Variants in STRBP observed in about 807,000 individuals in gnomAD.
The protein encoded by STRBP is spermatid perinuclear RNA-binding protein.
STRBP carries 13 observed loss-of-function variants against 80.1 expected under a neutral mutation model. The ratio of observed to expected loss-of-function variants is 0.16; its 90% confidence interval spans 0.11 to 0.26. STRBP has a LOEUF of 0.26. Among genes scored for constraint, STRBP ranks in the 10% least tolerant of loss-of-function variants. The pLI is 1.00. For missense variants in STRBP, 485 were observed against 815.2 expected (o/e 0.59, Z 4.93); for synonymous variants, 284 against 291.2 (o/e 0.98, Z 0.25).
intron 2 of STRBP, among the ~76,000 whole-genome samples, chr9:123,233,407 T>C (rs1212000243): frequency 1.3e-5 from 2 of 152,194 alleles, no homozygotes; most frequent in East Asian, 3.8e-4. Flanking sequence ...TTAAGAAGTG[T>C]TAACAAGTAT....
chr9:123,199,777 T>A (rs1304827525), intron 2 of STRBP, among the ~76,000 whole-genome samples: 1 of 152,212 alleles, frequency 6.6e-6, no homozygotes, highest in Non-Finnish European at 1.5e-5. Context: ...TAAGAGTCTT[T>A]ATGACTTTCT....
chr9:123,139,868 C>T (rs2036516311), intron 13 of STRBP, among the ~76,000 whole-genome samples, 181 bp from the exon 14 acceptor site: 1 of 152,104 alleles, frequency 6.6e-6, no homozygotes, highest in Non-Finnish European at 1.5e-5. Flanking sequence ...ACCAGGGTAG[C>T]ACCATGGAAA....
At chr9:123,133,043 C>T (rs2036206986) in intron 16 of STRBP, 75 bp from the exon 17 acceptor site, 1 of 1,558,424 alleles carries the variant, frequency 6.4e-7, no homozygotes, top group Non-Finnish European at 8.7e-7. Flanking sequence ...CTTCAACGCA[C>T]AACAACTATG....
chr9:123,254,062 A>AT (rs910791292), intron 1 of STRBP, among the ~76,000 whole-genome samples: 2 of 151,690 alleles, frequency 1.3e-5, no homozygotes, highest in African/African-American at 2.4e-5. Context: ...AGGGGGAAAA[A>AT]ATCTTAATTA....
At chr9:123,128,935 G>T (rs982893666) in intron 17 of STRBP, among the ~76,000 whole-genome samples, 1 of 152,200 alleles carries the variant, frequency 6.6e-6, no homozygotes. Flanking sequence ...ACATTATTAA[G>T]TAAAAGCAAG....
At chr9:123,161,801 GATTA>G (rs1219430854) in intron 6 of STRBP, among the ~76,000 whole-genome samples, 3 of 152,144 alleles carry the variant, frequency 2.0e-5, no homozygotes, top group Non-Finnish European at 4.4e-5. Flanking sequence ...TTTAAAGTTG[GATTA>G]AATGGCCCAA....
intron 11 of STRBP, among the ~76,000 whole-genome samples, chr9:123,152,431 G>A (rs1188985689): frequency 6.6e-6 from 1 of 151,812 alleles, no homozygotes; most frequent in African/African-American, 2.4e-5. Context: ...ATATATGATT[G>A]TTCATAGAAG....
In STRBP at chr9:123,259,075, A is replaced by AGGGG. The variant is rs1379471598; in HGVS notation, c.-302+9357_-302+9360dup. On this transcript the variant is annotated intron_variant, in intron 1 of 18. Coordinates refer to ENST00000348403, the MANE Select transcript of STRBP (RefSeq NM_018387.5). ...AGGAGGAAAGGGCAAAAAAAAAAAA[A>AGGGG]GGGGGGGGGATTACTGCAATAATTT... is the stretch of plus-strand genomic sequence containing the variant. Among the ~76,000 whole-genome samples, 68 of 141,880 alleles carry AGGGG rather than the reference A, an allele frequency of 4.8e-4. 2 individuals carry two copies. In the East Asian group the frequency reaches 5.9e-3, roughly 12 times the overall value. 93.1% of individuals were successfully genotyped at this position (141,880 alleles called of 152,430 possible).
At chr9:123,223,006 A>G (rs1405992458) in intron 2 of STRBP, among the ~76,000 whole-genome samples, 1 of 152,106 alleles carries the variant, frequency 6.6e-6, no homozygotes, top group Non-Finnish European at 1.5e-5. Flanking sequence ...GGAGTTCACC[A>G]TCAAAGCATA....
intron 4 of STRBP, among the ~76,000 whole-genome samples, chr9:123,176,992 A>C (rs2038246300): frequency 6.6e-6 from 1 of 152,222 alleles, no homozygotes; most frequent in Admixed American, 6.5e-5. Context: ...CGTGCCTGGC[A>C]ATGGAAAATG....
intron 1 of STRBP, among the ~76,000 whole-genome samples, chr9:123,244,330 C>G (rs1046738948): frequency 6.6e-6 from 1 of 152,158 alleles, no homozygotes; most frequent in African/African-American, 2.4e-5. Flanking sequence ...AGGTAGAGAA[C>G]AGATTTTTAG....
intron 3 of STRBP, 74 bp from the exon 4 acceptor site, chr9:123,179,301 T>C: frequency 7.6e-7 from 1 of 1,309,326 alleles, no homozygotes; most frequent in Non-Finnish European, 1.1e-6. Context: ...TACAACTATA[T>C]CTTTAGCCAA....
chr9:123,132,823 T>A, intron 17 of STRBP, 22 bp downstream of exon 17: 1 of 1,612,112 alleles, frequency 6.2e-7, no homozygotes, highest in Non-Finnish European at 8.5e-7. Flanking sequence ...AGGGGGCCAA[T>A]CTCTTGCAGT....
intron 2 of STRBP, among the ~76,000 whole-genome samples, chr9:123,215,919 T>C (rs1165999046): frequency 5.3e-5 from 8 of 152,250 alleles, no homozygotes. Context: ...GGTCTACTCC[T>C]AATGTCTGAT....
intron 2 of STRBP, among the ~76,000 whole-genome samples, chr9:123,198,763 T>C (rs1490323367): frequency 6.6e-6 from 1 of 152,236 alleles, no homozygotes. Context: ...ATCTTGATTT[T>C]TGTATATAGT....
Position 123,136,645 on chromosome 9 carries a change from T to A in STRBP, c.1498-130A>T. 7.5e-6 allele frequency: 8 copies of A among 1,072,844 alleles called. No homozygotes were observed. The highest frequency in any genetic ancestry group is 1.0e-5 in the Non-Finnish European group (8 of 766,862). 66.5% of individuals were successfully genotyped at this position (1,072,844 alleles called of 1,614,324 possible). A position where few individuals can be genotyped will look rare whatever the true frequency, so the allele number is the denominator to read the frequency against. ...CAAAGCACTCAGGGGCTAGAATGAG[T>A]CACCTCTTTACACAAATGGCAAAAT... On this transcript the variant is annotated intron_variant, in intron 14 of 18. Coordinates refer to ENST00000348403, the MANE Select transcript of STRBP (RefSeq NM_018387.5). This position sits in a 1 kb window ranked among gnomAD's most constrained non-coding sequence, Gnocchi z 4.2.
intron 13 of STRBP, among the ~76,000 whole-genome samples, chr9:123,143,525 C>A (rs2036680132): frequency 6.6e-6 from 1 of 152,236 alleles, no homozygotes. Context: ...CTTTCATAAA[C>A]ACGTTAGATG....
rs11437080 is a variant in STRBP at position 123,160,575 on chromosome 9, C to CAA, written c.628-115_628-114dup. On this transcript the variant is annotated intron_variant, in intron 7 of 18. Coordinates refer to ENST00000348403, the MANE Select transcript of STRBP (RefSeq NM_018387.5). Reference sequence around the variant, plus strand: ...AATTATTCATCAGTTATCAGGCAAACAAAAAAATCAATTAATCACAAGTAG... The same window carrying CAA: ...AATTATTCATCAGTTATCAGGCAAACAAAAAAAAATCAATTAATCACAAGTAG... 1.2e-4 allele frequency: 65 copies of CAA among 553,672 alleles called. 2 individuals carry two copies. The highest frequency in any genetic ancestry group is 3.1e-4 in the East Asian group (9 of 29,064). The allele number at this position is 553,672 out of a possible 1,614,324, so 34.3% of individuals were successfully genotyped here. A position where few individuals can be genotyped will look rare whatever the true frequency, so the allele number is the denominator to read the frequency against.
chr9:123,138,471 T>G (rs1304025456), intron 14 of STRBP, among the ~76,000 whole-genome samples: 1 of 152,182 alleles, frequency 6.6e-6, no homozygotes, highest in African/African-American at 2.4e-5. Flanking sequence ...AACATTTACT[T>G]TCACAACTCA....
Sources: allele counts gnomAD v4.1 joint callset (sites outside exome capture counted in the v4.1 genomes callset), GRCh38; gene constraint gnomAD v4.1.1; non-coding constraint Gnocchi (gnomAD v3.1); transcripts MANE v1.5; gene names NCBI Gene and HGNC (gene_info 2026-07-23, HGNC 2026-07-21).